PHLPP2: variants seen among roughly 807,000 people sequenced by gnomAD.
PHLPP2 encodes the protein PH domain leucine-rich repeat-containing protein phosphatase 2.
Under a neutral mutation model 124.9 loss-of-function variants are expected in PHLPP2, and 66 were observed. That is an observed-to-expected ratio of 0.53 (90% confidence interval 0.43 to 0.65). The LOEUF is 0.65. Ranked by LOEUF, PHLPP2 falls within the 30% of genes least tolerant of loss-of-function variation. PHLPP2 has a pLI of 0.00. For missense variants in PHLPP2, 1,685 were observed against 1,600.4 expected (o/e 1.05, Z -0.90); for synonymous variants, 681 against 624.7 (o/e 1.09, Z -1.34).
In PHLPP2 at chr16:71,650,012, G is replaced by A. The variant is rs949847674; in HGVS notation, c.2850C>T (p.Thr950=). Residue 950 remains threonine (T), a synonymous_variant, in exon 19 of 19, where the codon ACC becomes ACT. Transcript: ENST00000568954. The part of the protein sequence containing the change: ...DNKVNGVTCC[T]RMLGCTYLYP... ...AGAGGTATGTACAGCCCAGCATCCG[G>A]GTACAGCAGGTTACCCCATTCACTT... 2.5e-6 allele frequency: 4 copies of A among 1,610,422 alleles called. No homozygotes were observed. Among genetic ancestry groups the A allele is most frequent in the East Asian group, 4.5e-5 (2 of 44,880 alleles).
At chr16:71,653,933 C>T (rs944187323) in intron 17 of PHLPP2, among the ~76,000 whole-genome samples, 6 of 152,042 alleles carry the variant, frequency 3.9e-5, no homozygotes, top group African/African-American at 1.4e-4. Context: ...CAGTGGCTCA[C>T]GCCTGTAATC....
chr16:71,720,694 G>C (rs1235035619), intron 1 of PHLPP2, among the ~76,000 whole-genome samples: 1 of 151,698 alleles, frequency 6.6e-6, no homozygotes, highest in Non-Finnish European at 1.5e-5. Context: ...GAGAAACCCT[G>C]TCTCTACTAA....
chr16:71,673,180 G>A (rs765648296), intron 9 of PHLPP2, among the ~76,000 whole-genome samples: 5 of 152,172 alleles, frequency 3.3e-5, no homozygotes, highest in Non-Finnish European at 5.9e-5. Context: ...ATTTGTCCGT[G>A]TCTTTTGTGG....
chr16:71,680,112 C>G (rs1454473963), intron 6 of PHLPP2, among the ~76,000 whole-genome samples: 1 of 151,936 alleles, frequency 6.6e-6, no homozygotes, highest in Non-Finnish European at 1.5e-5. Flanking sequence ...GGTAGACAAT[C>G]TTGAAGAACA....
chr16:71,688,821 T>C (rs1184197767), intron 4 of PHLPP2, among the ~76,000 whole-genome samples: 2 of 152,170 alleles, frequency 1.3e-5, no homozygotes, highest in Non-Finnish European at 2.9e-5. Flanking sequence ...AGTGGTGGGC[T>C]CCTGCCCCAT....
At chr16:71,662,143 G>A (rs2044797597) in intron 13 of PHLPP2, among the ~76,000 whole-genome samples, 1 of 151,726 alleles carries the variant, frequency 6.6e-6, no homozygotes, top group South Asian at 2.1e-4. Flanking sequence ...AAGGTTAGTC[G>A]GGTGCGGGCC....
chr16:71,672,578 T>C (rs894959541), intron 9 of PHLPP2, among the ~76,000 whole-genome samples: 1 of 152,264 alleles, frequency 6.6e-6, no homozygotes, highest in African/African-American at 2.4e-5. Flanking sequence ...AGTAGTTAAA[T>C]GTTAACAGTA....
intron 3 of PHLPP2, among the ~76,000 whole-genome samples, chr16:71,691,646 C>A (rs763205194): frequency 2.6e-5 from 4 of 151,940 alleles, no homozygotes; most frequent in Non-Finnish European, 5.9e-5. Flanking sequence ...TGTACATAAT[C>A]CTCCATCTCT....
rs1567610564 is a variant in PHLPP2, at chr16:71,649,661, T to A, written c.3201A>T (p.Pro1067=). The A allele has an allele frequency of 1.9e-6, 3 of 1,614,166 alleles. No individual in the cohort carries two copies. The African/African-American group carries it at 4.0e-5, about 22-fold the overall frequency. ...STTTIKDAPK[P]ATPSSSSGIA... is the part of the protein sequence containing the mutation. Reference sequence around the variant, plus strand: ...TCCCACTGCTAGAGGATGGAGTGGCTGGCTTAGGGGCATCCTTGATAGTGG... The same window carrying A: ...TCCCACTGCTAGAGGATGGAGTGGCAGGCTTAGGGGCATCCTTGATAGTGG... The change falls in exon 19 of 19, where the codon CCA becomes CCT. Residue 1067 remains proline (P), a synonymous_variant. Transcript: ENST00000568954.
intron 10 of PHLPP2, 24 bp downstream of exon 10, chr16:71,672,238 G>A (rs1026110160): frequency 3.8e-6 from 6 of 1,590,068 alleles, no homozygotes; most frequent in East Asian, 2.2e-5. Context: ...AGAAGCAAGC[G>A]CCACCCTCAT....
chr16:71,700,497 G>A (rs1413480753), intron 3 of PHLPP2, among the ~76,000 whole-genome samples: 3 of 149,536 alleles, frequency 2.0e-5, no homozygotes, highest in Non-Finnish European at 4.4e-5. Context: ...CTATAGTATG[G>A]GCTGTGTTTA....
At chr16:71,711,695 T>C (rs2045325197) in intron 2 of PHLPP2, among the ~76,000 whole-genome samples, 1 of 152,250 alleles carries the variant, frequency 6.6e-6, no homozygotes, top group African/African-American at 2.4e-5. Context: ...TTTCTCTTTA[T>C]GCTTTTTCAT....
At position 71,656,774 on chromosome 16, in the gene PHLPP2, G is replaced by A. The variant is rs1421951648; in HGVS notation, c.2280-93C>T. ...GTATTCTTTTTTTTTTTTTGAGATG[G>A]AGTCTCCCTCTTGTCACCCAGGCTG... On this transcript the variant is annotated intron_variant, in intron 15 of 18. Coordinates refer to ENST00000568954, the MANE Select transcript of PHLPP2 (RefSeq NM_015020.3). 31 of 723,662 alleles carry A rather than the reference G, an allele frequency of 4.3e-5. No homozygotes were observed. In the South Asian group the frequency reaches 4.5e-4, roughly 11 times the overall value. The allele number at this position is 723,662 out of a possible 1,614,324, so 44.8% of individuals were successfully genotyped here.
intron 9 of PHLPP2, among the ~76,000 whole-genome samples, chr16:71,674,356 G>A (rs2044924117): frequency 6.6e-6 from 1 of 150,546 alleles, no homozygotes; most frequent in Non-Finnish European, 1.5e-5. Flanking sequence ...GGGATTACGG[G>A]CTTGAGCCAC....
chr16:71,673,867 G>C (rs9930573), intron 9 of PHLPP2, among the ~76,000 whole-genome samples: 5,695 of 152,112 alleles, frequency 0.037, 357 homozygotes, highest in African/African-American at 0.13. Flanking sequence ...ACACTCACCA[G>C]TTTTAACACT....
At position 71,649,635 on chromosome 16, in the gene PHLPP2, A is replaced by T; in HGVS notation, c.3227T>A (p.Ile1076Asn). Residue 1076 changes from isoleucine (I) to asparagine (N), a missense_variant, in exon 19 of 19, where the codon ATT becomes AAT. Transcript: ENST00000568954. ...KPATPSSSSG[I>N]ASEFSSEMST... ...CATCTCACTGCTGAACTCAGAGGCAATCCCACTGCTAGAGGATGGAGTGGC... is the reference window on the plus strand; with the variant it reads ...CATCTCACTGCTGAACTCAGAGGCATTCCCACTGCTAGAGGATGGAGTGGC... 1 of 1,614,162 alleles carries T rather than the reference A, an allele frequency of 6.2e-7. No homozygotes were observed. The highest frequency in any genetic ancestry group is 1.3e-5 in the African/African-American group (1 of 75,036).
chr16:71,718,024 T>C (rs1217538486), intron 1 of PHLPP2, among the ~76,000 whole-genome samples: 1 of 152,152 alleles, frequency 6.6e-6, no homozygotes, highest in Non-Finnish European at 1.5e-5. Flanking sequence ...TCAGAGTAGC[T>C]GGGACTACAT....
In PHLPP2 at chr16:71,681,795, G is replaced by A. The variant is rs771967905; in HGVS notation, c.846C>T (p.Asn282=). Residue 282 remains asparagine, a synonymous_variant, in exon 6 of 19, where the codon AAC becomes AAT. Coordinates refer to ENST00000568954, the MANE Select transcript of PHLPP2 (RefSeq NM_015020.3). ...CTCCGGGTCTTTCTAACTGCATGAA[G>A]TTGTGTCGCAAGTTGAGGTAGGTAA... ...QDITYLNLRH[N]FMQLERPGGL... is the part of the protein sequence containing the mutation. 12 of 1,613,966 alleles carry A rather than the reference G, an allele frequency of 7.4e-6. 1 individual carries two copies. The highest frequency in any genetic ancestry group is 4.4e-5 in the South Asian group (4 of 91,052).
intron 4 of PHLPP2, among the ~76,000 whole-genome samples, chr16:71,685,891 T>C (rs1165984064): frequency 1.3e-5 from 2 of 152,258 alleles, no homozygotes; most frequent in African/African-American, 4.8e-5. Flanking sequence ...TATATAACTT[T>C]GGAATTATTA....
Sources: allele counts gnomAD v4.1 joint callset (sites outside exome capture counted in the v4.1 genomes callset), GRCh38; gene constraint gnomAD v4.1.1; transcripts MANE v1.5; gene names NCBI Gene and HGNC (gene_info 2026-07-23, HGNC 2026-07-21).